The following WDR44 variants were observed in gnomAD, a reference collection of about 807,000 sequenced individuals.
The protein encoded by WDR44 is WD repeat-containing protein 44.
In WDR44, 9 loss-of-function variants were observed where a neutral mutation model predicts 65.7. That is an observed-to-expected ratio of 0.14 (90% CI 0.08 to 0.24). WDR44 has a LOEUF of 0.24. Among genes scored for constraint, WDR44 ranks in the 10% least tolerant of loss-of-function variants. The probability of loss-of-function intolerance (pLI) is 1.00; values close to 1 mark genes in which losing one functional copy is unlikely to be tolerated. For missense variants in WDR44, 425 were observed against 670.9 expected (o/e 0.63, Z 4.05); for synonymous variants, 220 against 235.2 (o/e 0.94, Z 0.59).
intron 10 of WDR44, 28 bp from the exon 11 acceptor site, chrX:118,409,461 A>G (rs766309028): frequency 3.3e-6 from 4 of 1,200,931 alleles, no homozygotes; most frequent in Non-Finnish European, 4.5e-6. Flanking sequence ...GTAAAGTATT[A>G]ACTTTGAAAC....
At chrX:118,369,110 G>A (rs773051962) in intron 1 of WDR44, among the ~76,000 whole-genome samples, 3 of 111,431 alleles carry the variant, frequency 2.7e-5, no homozygotes, top group Admixed American at 9.5e-5. Context: ...TCAGACATGA[G>A]CTTTGTTAAT....
chrX:118,431,544 C>T (rs770107803), intron 12 of WDR44, among the ~76,000 whole-genome samples: 1 of 111,625 alleles, frequency 9.0e-6, no homozygotes, highest in East Asian at 2.8e-4. Flanking sequence ...CTCAGGTGAT[C>T]TGCCTGTCTC....
intron 1 of WDR44, among the ~76,000 whole-genome samples, chrX:118,349,715 G>A (rs2056387028): frequency 9.0e-6 from 1 of 110,583 alleles, no homozygotes; most frequent in African/African-American, 3.3e-5. Context: ...GCGCCACCAC[G>A]CCCAGCTAAT....
chrX:118,382,468 G>C (rs16995150), intron 2 of WDR44, among the ~76,000 whole-genome samples: 14,904 of 111,581 alleles, frequency 0.13, 1,101 homozygotes, highest in African/African-American at 0.28. Context: ...AAAAAGAGTG[G>C]AAGTCACATT....
At chrX:118,443,750 G>A in intron 18 of WDR44, 63 bp downstream of exon 18, 3 of 1,097,767 alleles carry the variant, frequency 2.7e-6, no homozygotes, top group Non-Finnish European at 3.6e-6. Flanking sequence ...ATATATACTA[G>A]AAGTAAATTC....
intron 12 of WDR44, among the ~76,000 whole-genome samples, chrX:118,422,838 C>T (rs2057116718): frequency 8.9e-6 from 1 of 111,825 alleles, no homozygotes; most frequent in Admixed American, 9.5e-5. Flanking sequence ...CTATTAATAG[C>T]CTCACTTTAC....
At chrX:118,353,742 G>A (rs1357639271) in intron 1 of WDR44, among the ~76,000 whole-genome samples, 1 of 111,973 alleles carries the variant, frequency 8.9e-6, no homozygotes, top group East Asian at 2.8e-4. Flanking sequence ...GATCGAGGGT[G>A]ACCATTTAGG....
At chrX:118,415,277 A>G (rs969296963) in intron 12 of WDR44, among the ~76,000 whole-genome samples, 6 of 111,874 alleles carry the variant, frequency 5.4e-5, no homozygotes, top group Non-Finnish European at 5.6e-5. Flanking sequence ...GGATTTGGTT[A>G]GCTAGTATGT....
chrX:118,402,339 G>T (rs2056925026), intron 8 of WDR44, among the ~76,000 whole-genome samples: 3 of 104,761 alleles, frequency 2.9e-5, no homozygotes, highest in Non-Finnish European at 3.9e-5. Context: ...GGAGGCTGAA[G>T]CAGGAGAATT....
intron 19 of WDR44, among the ~76,000 whole-genome samples, chrX:118,447,875 AATATATATATATATATATAT>A (rs10570740): frequency 6.0e-4 from 33 of 54,788 alleles, no homozygotes; most frequent in East Asian, 1.2e-3. Context: ...CTCTATCTAA[AATATATATATATATATATAT>A]ATATATATAT....
At position 118,430,578 on chromosome X, in the gene WDR44, A is replaced by G. The variant is rs745722496; in HGVS notation, c.1738-2203A>G. On this transcript the variant is annotated intron_variant, in intron 12 of 19. Coordinates refer to ENST00000254029, the MANE Select transcript of WDR44 (RefSeq NM_019045.5). ...ATTTAGTCTGGTCATGGTGGCTCAC[A>G]CCTGTAATCCCAGCACTTTGGGAGG... is the stretch of plus-strand genomic sequence containing the variant. 3.7e-3 allele frequency among the ~76,000 whole-genome samples: 398 copies of G among 106,701 alleles called. 2 individuals carry two copies. The highest frequency in any genetic ancestry group is 5.6e-3 in the Non-Finnish European group (291 of 51,894). 92.7% of individuals were successfully genotyped at this position (106,701 alleles called of 115,157 possible).
chrX:118,391,841 C>T (rs996174628), intron 3 of WDR44, among the ~76,000 whole-genome samples: 5 of 110,731 alleles, frequency 4.5e-5, no homozygotes, highest in Admixed American at 2.9e-4. Context: ...AAAATTATCC[C>T]GGCGTGGAGC....
chrX:118,441,299 A>T, intron 14 of WDR44, 69 bp from the exon 15 acceptor site: 1 of 996,272 alleles, frequency 1.0e-6, no homozygotes, highest in Non-Finnish European at 1.4e-6. Context: ...AGACTTACTG[A>T]TTTGATTTGC....
At chrX:118,384,299 A>G (rs1016230949) in intron 2 of WDR44, among the ~76,000 whole-genome samples, 4 of 112,043 alleles carry the variant, frequency 3.6e-5, no homozygotes, top group East Asian at 2.8e-4. Flanking sequence ...AACAAGGTCC[A>G]TCTCTCATGG....
intron 3 of WDR44, among the ~76,000 whole-genome samples, chrX:118,388,804 TGTA>T (rs1384885290): frequency 8.9e-6 from 1 of 111,882 alleles, no homozygotes; most frequent in African/African-American, 3.3e-5. Flanking sequence ...TCTGCCTAAT[TGTA>T]GTGTAGGTAG....
At chrX:118,383,878 C>CTT (rs549809406) in intron 2 of WDR44, among the ~76,000 whole-genome samples, 5,913 of 69,760 alleles carry the variant, frequency 0.085, 413 homozygotes, top group Admixed American at 0.18. Context: ...TTTTTAATTT[C>CTT]TTTTTTTTTT....
chrX:118,347,720 C>G (rs764840281), intron 1 of WDR44, among the ~76,000 whole-genome samples: 3 of 112,226 alleles, frequency 2.7e-5, no homozygotes, highest in South Asian at 3.6e-4. Context: ...TATGTTTATA[C>G]ACAATATGCA....
Position 118,346,539 on chromosome X carries a change from T to C in WDR44, c.36T>C (p.Asp12=), listed in dbSNP as rs1447410379. 1 of 1,203,706 alleles carries C rather than the reference T, an allele frequency of 8.3e-7. No individual in the cohort carries two copies. Among genetic ancestry groups the C allele is most frequent in the African/African-American group, 1.8e-5 (1 of 56,515 alleles). ...ASESDTEEFY[D]APEDVHLGGG... is the part of the protein sequence containing the mutation. ...AAAGCGACACCGAGGAATTCTATGA[T>C]GCCCCTGAAGATGTGCACCTAGGGG... is the stretch of plus-strand genomic sequence containing the variant. The change falls in exon 1 of 20, where the codon GAT becomes GAC. Residue 12 remains aspartate (D), a synonymous_variant. Coordinates refer to ENST00000254029, the MANE Select transcript of WDR44 (RefSeq NM_019045.5).
In WDR44 at chrX:118,380,963, G is replaced by A. The variant is rs901951523; in HGVS notation, c.111+2511G>A. Among the ~76,000 whole-genome samples the A allele has an allele frequency of 2.7e-5, 3 of 111,813 alleles. No homozygotes were observed. The South Asian group carries it at 1.1e-3, about 41-fold the overall frequency. On this transcript the variant is annotated intron_variant, in intron 2 of 19. Transcript: ENST00000254029. Reference sequence around the variant, plus strand: ...AGTAGGGACTAATAAATATGCAAAAGCATGGGATTTGCTAGAAGCATTGAA... The same window carrying A: ...AGTAGGGACTAATAAATATGCAAAAACATGGGATTTGCTAGAAGCATTGAA...
Sources: allele counts gnomAD v4.1 joint callset (sites outside exome capture counted in the v4.1 genomes callset), GRCh38; gene constraint gnomAD v4.1.1; transcripts MANE v1.5; gene names NCBI Gene and HGNC (gene_info 2026-07-23, HGNC 2026-07-21).